Variants in IFT88 observed in about 807,000 individuals in gnomAD.
IFT88 encodes the protein intraflagellar transport 88, also known as intraflagellar transport protein 88 homolog.
A neutral mutation model predicts 119.5 loss-of-function variants in IFT88; 74 were observed. That is an observed-to-expected ratio of 0.62 (90% CI 0.51 to 0.75). The LOEUF is 0.75. IFT88 is among the 30% of genes least tolerant of loss of function. The pLI, the probability that IFT88 is intolerant of heterozygous loss-of-function variation, is 0.00. For missense variants in IFT88, 961 were observed against 977.7 expected, an observed-to-expected ratio of 0.98 and a Z score of 0.23; for synonymous variants, 279 against 316.7, an observed-to-expected ratio of 0.88 and a Z score of 1.26.
At chr13:20,614,052 T>C (rs1031491153) in intron 13 of IFT88, among the ~76,000 whole-genome samples, 7 of 152,232 alleles carry the variant, frequency 4.6e-5, no homozygotes, top group African/African-American at 1.7e-4. Context: ...TCTGTGACTA[T>C]ACCTAAACCA....
chr13:20,567,585 A>G (rs1358827508), intron 1 of IFT88: 3 of 257,144 alleles, frequency 1.2e-5, no homozygotes, highest in South Asian at 1.4e-4. Flanking sequence ...CTGACGGGGA[A>G]ACTTAAAACC....
chr13:20,586,142 T>C (rs1168082665), intron 3 of IFT88, among the ~76,000 whole-genome samples: 2 of 152,232 alleles, frequency 1.3e-5, no homozygotes, highest in Admixed American at 6.5e-5. Flanking sequence ...ATGAGGAAAC[T>C]GAAGCCTAGA....
chr13:20,627,041 A>G (rs1453173144), intron 15 of IFT88, among the ~76,000 whole-genome samples: 1 of 152,208 alleles, frequency 6.6e-6, no homozygotes, highest in Non-Finnish European at 1.5e-5. Context: ...CTACTAAAGA[A>G]TATGAGAGTA....
chr13:20,617,743 T>G (rs960227993), intron 14 of IFT88, among the ~76,000 whole-genome samples: 1 of 152,206 alleles, frequency 6.6e-6, no homozygotes, highest in Non-Finnish European at 1.5e-5. Context: ...ATTACTGGAA[T>G]GAGACTTCAG....
At chr13:20,679,735 A>G (rs750938701) in intron 24 of IFT88, among the ~76,000 whole-genome samples, 3 of 152,246 alleles carry the variant, frequency 2.0e-5, no homozygotes, top group African/African-American at 4.8e-5. Flanking sequence ...AATTAGGATT[A>G]TATTGGGTTG....
chr13:20,604,965 C>A, intron 12 of IFT88, 70 bp from the exon 13 acceptor site: 1 of 813,388 alleles, frequency 1.2e-6, no homozygotes, highest in African/African-American at 1.7e-5. Context: ...CAAAACAAAA[C>A]AAAACAAAAA....
Position 20,601,784 on chromosome 13 carries a change from A to G in IFT88, c.892A>G (p.Ile298Val), listed in dbSNP as rs769108016. The change falls in exon 12 of 26, where the codon ATA becomes GTA. Residue 298 changes from isoleucine (I) to valine (V), a missense_variant. By Grantham distance (29) the Ile-to-Val change is conservative. Transcript: ENST00000351808. ...AGATGCTATTAATTCATATGAGCAC[A>G]TAATGAGCATGGCACCAAATCTGAA... ...YSDAINSYEH[I>V]MSMAPNLKAG... 3.7e-6 allele frequency: 6 copies of G among 1,613,566 alleles called. No individual in the cohort carries two copies. In the South Asian group the frequency reaches 6.6e-5, roughly 18 times the overall value.
At chr13:20,610,196 A>G (rs1390026609) in intron 13 of IFT88, among the ~76,000 whole-genome samples, 1 of 151,566 alleles carries the variant, frequency 6.6e-6, no homozygotes, top group African/African-American at 2.4e-5. Flanking sequence ...GGAACATTCC[A>G]GGAGAGGTGA....
intron 8 of IFT88, 27 bp downstream of exon 8, chr13:20,596,267 T>G: frequency 9.3e-7 from 1 of 1,072,322 alleles, no homozygotes. Flanking sequence ...GATTCAAAAT[T>G]ATGAAGCATT....
chr13:20,690,170 A>G (rs1328564822), intron 24 of IFT88, among the ~76,000 whole-genome samples: 2 of 152,232 alleles, frequency 1.3e-5, no homozygotes, highest in Non-Finnish European at 2.9e-5. Flanking sequence ...GACTACTCTC[A>G]TTAAAAGTGA....
intron 2 of IFT88, among the ~76,000 whole-genome samples, chr13:20,582,575 A>G (rs1013700726): frequency 6.6e-5 from 10 of 152,032 alleles, no homozygotes; most frequent in Admixed American, 3.3e-4. Flanking sequence ...GGAGAAAGAC[A>G]GGGGGATGGT....
chr13:20,670,806 C>G lies in IFT88; in HGVS notation c.2176-167C>G, dbSNP rs935892423. ...GGGGAAGGCTTGAACCCTCCACTTA[C>G]AAAACAACTCAGGCTTTTTTTTTTT... is the stretch of plus-strand genomic sequence containing the variant. On this transcript the variant is annotated intron_variant, in intron 23 of 25. Coordinates refer to ENST00000351808, the MANE Select transcript of IFT88 (RefSeq NM_006531.5). 4.0e-5 allele frequency among the ~76,000 whole-genome samples: 6 copies of G among 151,010 alleles called. No individual in the cohort carries two copies. In the East Asian group the frequency reaches 5.8e-4, roughly 15 times the overall value.
rs11458148 is a variant in IFT88 at position 20,602,206 on chromosome 13, CTTTTTTTTTTT to C, written c.1041+283_1041+293del. On this transcript the variant is annotated intron_variant, in intron 12 of 25. Transcript: ENST00000351808. ...CCATGTCATTCATTAAGCATAATAT[CTTTTTTTTTTT>C]TTTTTTTTTGAGACAGAGAGCCTGC... 2.5e-5 allele frequency among the ~76,000 whole-genome samples: 3 copies of C among 118,186 alleles called. No individual in the cohort carries two copies. The Admixed American group carries it at 3.0e-4, about 12-fold the overall frequency. 77.5% of individuals were successfully genotyped at this position (118,186 alleles called of 152,430 possible).
At chr13:20,674,004 C>G (rs7982574) in intron 24 of IFT88, among the ~76,000 whole-genome samples, 1 of 152,120 alleles carries the variant, frequency 6.6e-6, no homozygotes, top group African/African-American at 2.4e-5. Context: ...TCTGACATCT[C>G]GAGTTATGCA....
chr13:20,605,049 TA>T lies in IFT88; in HGVS notation c.1058del (p.Asn353ThrfsTer2). 1 of 1,479,318 alleles carries T rather than the reference TA, an allele frequency of 6.8e-7. No individual in the cohort carries two copies. Among genetic ancestry groups the T allele is most frequent in the Non-Finnish European group, 9.4e-7 (1 of 1,060,202 alleles). The allele number at this position is 1,479,318 out of a possible 1,614,324, so 91.6% of individuals were successfully genotyped here. A position where few individuals can be genotyped will look rare whatever the true frequency, so the allele number is the denominator to read the frequency against. On this transcript the variant is annotated frameshift_variant, in exon 13 of 26. Transcript: ENST00000351808. LOFTEE classifies it high-confidence loss of function. ...TATTTTACCAGGATGATCCTCATAC[TA>T]ACTTAGTAACTGAAGCTATAAAAAA... The part of the protein sequence containing the change: ...YISPSDDPHT[N>X]LVTEAIKNDH...
At chr13:20,639,342 T>C (rs2049501320) in intron 17 of IFT88, among the ~76,000 whole-genome samples, 1 of 152,344 alleles carries the variant, frequency 6.6e-6, no homozygotes, top group East Asian at 1.9e-4. Context: ...GAGAGATTGA[T>C]GGGTTGGCAC....
At chr13:20,603,991 G>T (rs1393654358) in intron 12 of IFT88, among the ~76,000 whole-genome samples, 1 of 152,170 alleles carries the variant, frequency 6.6e-6, no homozygotes, top group Non-Finnish European at 1.5e-5. Flanking sequence ...GCCCGGGGAG[G>T]TCAAGGGTTT....
chr13:20,662,725 T>C (rs1052967323), intron 22 of IFT88, among the ~76,000 whole-genome samples: 30 of 149,196 alleles, frequency 2.0e-4, no homozygotes, highest in African/African-American at 7.6e-4. Flanking sequence ...CTTACAAATG[T>C]AAAGACAAAA....
chr13:20,671,093 G>A lies in IFT88; in HGVS notation c.2242+54G>A, dbSNP rs369714809. 1.3e-5 allele frequency: 18 copies of A among 1,413,240 alleles called. No homozygotes were observed. In the African/African-American group the frequency reaches 2.4e-4, roughly 19 times the overall value. 87.5% of individuals were successfully genotyped at this position (1,413,240 alleles called of 1,614,324 possible). A position where few individuals can be genotyped will look rare whatever the true frequency, so the allele number is the denominator to read the frequency against. ...TTGGTTTCCACATTTCTAGTATGTG[G>A]GCTTCTGGAAACATCTTGCAATAAT... On this transcript the variant is annotated intron_variant, in intron 24 of 25. Coordinates refer to ENST00000351808, the MANE Select transcript of IFT88 (RefSeq NM_006531.5).
Sources: gnomAD v4.1 joint callset for allele counts (sites outside exome capture counted in the v4.1 genomes callset) on GRCh38, gnomAD v4.1.1 for gene constraint, MANE v1.5 for transcripts, NCBI Gene and HGNC (gene_info 2026-07-23, HGNC 2026-07-21) for gene names.